REDIC1: variants seen among roughly 807,000 people sequenced by gnomAD.
REDIC1 encodes the protein HEI10 Interacting Protein 1.
At chr12:39,677,953 G>A in the REDIC1 span, among the ~76,000 whole-genome samples, 1 of 152,056 alleles carries the variant, frequency 6.6e-6, no homozygotes, top group Non-Finnish European at 1.5e-5. Context: ...GTGCTAAGAG[G>A]AAAGTTAATA....
At chr12:39,896,605 T>C in the REDIC1 span, among the ~76,000 whole-genome samples, 53 of 151,482 alleles carry the variant, frequency 3.5e-4, no homozygotes, top group East Asian at 8.6e-3. Context: ...TATATGTATG[T>C]ATATGTGTTT....
chr12:39,679,973 T>G, the REDIC1 span, among the ~76,000 whole-genome samples: 1 of 144,214 alleles, frequency 6.9e-6, no homozygotes, highest in Admixed American at 6.9e-5. Flanking sequence ...TCTCTCACCT[T>G]ATATAAAAAT....
At chr12:39,896,153 T>C in the REDIC1 span, among the ~76,000 whole-genome samples, 1 of 148,404 alleles carries the variant, frequency 6.7e-6, no homozygotes, top group Non-Finnish European at 1.5e-5. Flanking sequence ...TATATATGTA[T>C]ACACGTGTAT....
the REDIC1 span, among the ~76,000 whole-genome samples, chr12:39,804,473 C>T: frequency 1.3e-5 from 2 of 152,068 alleles, no homozygotes; most frequent in African/African-American, 2.4e-5. Context: ...ATAATAATAA[C>T]CTGTCAAAAC....
At chr12:39,789,884 T>G in the REDIC1 span, among the ~76,000 whole-genome samples, 1 of 152,156 alleles carries the variant, frequency 6.6e-6, no homozygotes, top group South Asian at 2.1e-4. Context: ...TTGGACAGTT[T>G]GCCTATTTCT....
chr12:39,662,073 G>A, the REDIC1 span, among the ~76,000 whole-genome samples: 1 of 152,172 alleles, frequency 6.6e-6, no homozygotes, highest in South Asian at 2.1e-4. Flanking sequence ...TTGAAGTTGG[G>A]TAGTGTGATG....
chr12:39,889,505 C>T, the REDIC1 span, among the ~76,000 whole-genome samples: 12,541 of 147,698 alleles, frequency 0.085, 771 homozygotes, highest in African/African-American at 0.15. Context: ...TAGAGGCCGA[C>T]TTTACGCTTC....
the REDIC1 span, among the ~76,000 whole-genome samples, chr12:39,738,138 CAT>C: frequency 6.6e-6 from 1 of 152,178 alleles, no homozygotes; most frequent in Non-Finnish European, 1.5e-5. Context: ...ATTTCACACT[CAT>C]AGAATTTGAC....
the REDIC1 span, among the ~76,000 whole-genome samples, chr12:39,648,676 G>A: frequency 6.6e-6 from 1 of 151,114 alleles, no homozygotes; most frequent in Non-Finnish European, 1.5e-5. Flanking sequence ...TCTTGTTAAT[G>A]GGAATACTTA....
chr12:39,785,273 TG>T, the REDIC1 span, among the ~76,000 whole-genome samples: 1 of 152,160 alleles, frequency 6.6e-6, no homozygotes, highest in Non-Finnish European at 1.5e-5. Context: ...TGGTGCCCTG[TG>T]TCCCAGCTGC....
chr12:39,789,511 ACATATCT>A, the REDIC1 span, among the ~76,000 whole-genome samples: 3 of 152,152 alleles, frequency 2.0e-5, no homozygotes, highest in Non-Finnish European at 4.4e-5. Flanking sequence ...CATATTTTTA[ACATATCT>A]CCAGGTACAT....
the REDIC1 span, among the ~76,000 whole-genome samples, chr12:39,821,991 C>A: frequency 6.6e-6 from 1 of 151,744 alleles, no homozygotes. Context: ...CATATGTATA[C>A]ATGTGACATG....
the REDIC1 span, among the ~76,000 whole-genome samples, chr12:39,782,679 G>A: frequency 2.0e-5 from 3 of 152,272 alleles, no homozygotes; most frequent in East Asian, 5.8e-4. Flanking sequence ...ACAGACAAAG[G>A]TTGGAACAGT....
the REDIC1 span, among the ~76,000 whole-genome samples, chr12:39,680,028 A>T: frequency 1.3e-5 from 2 of 152,228 alleles, no homozygotes; most frequent in Non-Finnish European, 2.9e-5. Flanking sequence ...AGCCATAAAA[A>T]TTCTAGAAGA....
the REDIC1 span, among the ~76,000 whole-genome samples, chr12:39,652,916 T>G: frequency 6.6e-6 from 1 of 152,162 alleles, no homozygotes; most frequent in African/African-American, 2.4e-5. Context: ...CCAAACTGTC[T>G]TGGTTACTGT....
chr12:39,763,855 C>T, the REDIC1 span, among the ~76,000 whole-genome samples: 1 of 152,094 alleles, frequency 6.6e-6, no homozygotes, highest in African/African-American at 2.4e-5. Flanking sequence ...TGAATTATGG[C>T]CTCCATACAT....
chr12:39,747,718 C>G, the REDIC1 span, among the ~76,000 whole-genome samples: 1 of 152,232 alleles, frequency 6.6e-6, no homozygotes, highest in Non-Finnish European at 1.5e-5. Context: ...ATCAGACTAA[C>G]AGCTGATCTT....
the REDIC1 span, among the ~76,000 whole-genome samples, chr12:39,859,074 GGACTAA>G: frequency 6.6e-6 from 1 of 152,006 alleles, no homozygotes; most frequent in African/African-American, 2.4e-5. Context: ...AACTTTGAAG[GGACTAA>G]TTTATGAGGG....
the REDIC1 span, among the ~76,000 whole-genome samples, chr12:39,700,047 G>A: frequency 1.3e-5 from 2 of 152,100 alleles, no homozygotes; most frequent in Admixed American, 6.5e-5. Flanking sequence ...CTCCTCCAAA[G>A]GAACGCAGTT....
Sources: gnomAD v4.1 joint callset for allele counts (sites outside exome capture counted in the v4.1 genomes callset) on GRCh38, gnomAD v4.1.1 for gene constraint, MANE v1.5 for transcripts, NCBI Gene and HGNC (gene_info 2026-07-23, HGNC 2026-07-21) for gene names.